METTL8: variants seen among roughly 807,000 people sequenced by gnomAD.
METTL8 encodes the protein methyltransferase 8, tRNA N3-cytidine, also known as tRNA N(3)-cytidine methyltransferase METTL8, mitochondrial.
A neutral mutation model predicts 48.7 loss-of-function variants in METTL8; 32 were observed. The ratio of observed to expected loss-of-function variants is 0.66; its 90% CI spans 0.50 to 0.88. The LOEUF is 0.88. METTL8 is among the 40% of genes least tolerant of loss of function. The pLI is 0.00. For missense variants in METTL8, 464 were observed against 474.4 expected, an observed-to-expected ratio of 0.98 and a Z score of 0.20; for synonymous variants, 136 against 157.1, an observed-to-expected ratio of 0.87 and a Z score of 1.01.
At chr2:171,392,883 G>C (rs1688703545) in intron 1 of METTL8, among the ~76,000 whole-genome samples, 1 of 151,688 alleles carries the variant, frequency 6.6e-6, no homozygotes, top group African/African-American at 2.4e-5. Context: ...GGTCACTTGA[G>C]GTCAGGAGTT....
At position 171,380,374 on chromosome 2, in the gene METTL8, A is replaced by G. The variant is rs568804591; in HGVS notation, c.143+11669T>C. ...TGCCCTCTCTCACCACTCCTATTCA[A>G]CATAGTATTGGAAGTGCTGACCAGG... On this transcript the variant is annotated intron_variant, in intron 2 of 9. Transcript: ENST00000375258. 7.2e-5 allele frequency among the ~76,000 whole-genome samples: 11 copies of G among 152,342 alleles called. No homozygotes were observed. The East Asian group carries it at 1.9e-3, about 27-fold the overall frequency.
At position 171,350,988 on chromosome 2, in the gene METTL8, T is replaced by C. The variant is rs1225939233; in HGVS notation, c.235+9434A>G. Among the ~76,000 whole-genome samples, 19 of 152,362 alleles carry C rather than the reference T, an allele frequency of 1.2e-4. No individual in the cohort carries two copies. In the East Asian group the frequency reaches 3.1e-3, roughly 25 times the overall value. On this transcript the variant is annotated intron_variant, in intron 3 of 9. Transcript: ENST00000375258. ...TTTAATTAGATCACATTTGTCAACTTTGGCTTTTGTTGTCATTGCTTTTGG... is the reference window on the plus strand; with the variant it reads ...TTTAATTAGATCACATTTGTCAACTCTGGCTTTTGTTGTCATTGCTTTTGG...
rs1320819831 is a variant in METTL8 at position 171,339,420 on chromosome 2, T to C, written c.370A>G (p.Lys124Glu). 6.2e-7 allele frequency: 1 copy of C among 1,613,692 alleles called. No individual in the cohort carries two copies. The highest frequency in any genetic ancestry group is 1.1e-5 in the South Asian group (1 of 91,030). The change falls in exon 4 of 10, where the codon AAG (lysine) becomes GAG (glutamate). Residue 124 changes from lysine to glutamate, a missense_variant. Transcript: ENST00000375258. ...TGATCCCATGATGATTCTCTCGCCT[T>C]CTCTTCAGGTTTTTGATCAACTGGA... is the stretch of plus-strand genomic sequence containing the variant. ...ILPVDQKPEE[K>E]ARESSWDHVK...
chr2:171,358,185 T>C lies in METTL8; in HGVS notation c.235+2237A>G, dbSNP rs542896332. Among the ~76,000 whole-genome samples, 5 of 151,906 alleles carry C rather than the reference T, an allele frequency of 3.3e-5. No individual in the cohort carries two copies. The South Asian group carries it at 1.0e-3, about 32-fold the overall frequency. The stretch of plus-strand genomic sequence containing the variant: ...GGCCAACATGACAAAACGCTATCTC[T>C]ACTAAAAATACAAACATTAGCTGGG... On this transcript the variant is annotated intron_variant, in intron 3 of 9. Transcript: ENST00000375258.
chr2:171,434,506 G>A (rs1042276730), upstream of METTL8: 5 of 1,523,178 alleles, frequency 3.3e-6, no homozygotes, highest in Admixed American at 5.9e-5. Flanking sequence ...AGGCAGCGGC[G>A]GCTGCCCAGC....
rs1002319902 is a variant in METTL8 at position 171,433,904 on chromosome 2, T to TG, written c.-35dup. The TG allele has an allele frequency of 5.7e-6, 1 of 174,164 alleles. No individual in the cohort carries two copies. Among genetic ancestry groups the TG allele is most frequent in the Admixed American group, 6.1e-5 (1 of 16,314 alleles). 10.8% of individuals were successfully genotyped at this position (174,164 alleles called of 1,614,324 possible). ...GTACCTTTAGCACGGGACGCTGCTT[T>TG]GGGGGGATCGCCCTCGACACAGCGC... On this transcript the variant is annotated 5_prime_UTR_variant, in exon 1 of 10. Transcript: ENST00000375258.
At chr2:171,373,713 C>A (rs1389420817) in intron 2 of METTL8, among the ~76,000 whole-genome samples, 3 of 152,152 alleles carry the variant, frequency 2.0e-5, no homozygotes, top group Non-Finnish European at 2.9e-5. Context: ...GCCAGTTTTC[C>A]CAGCACCATT....
At position 171,391,789 on chromosome 2, in the gene METTL8, G is replaced by A. The variant is rs188144550; in HGVS notation, c.143+254C>T. 7.0e-4 allele frequency among the ~76,000 whole-genome samples: 107 copies of A among 152,238 alleles called. 1 individual carries two copies. In the Middle Eastern group the frequency reaches 0.014, roughly 19 times the overall value. ...TGACAGCAGGCAAATCAGGATCAGA[G>A]GTAAGTAGGAAGGGCCTGCAAGAAC... On this transcript the variant is annotated intron_variant, in intron 2 of 9. Coordinates refer to ENST00000375258, the MANE Select transcript of METTL8 (RefSeq NM_001321154.2).
intron 1 of METTL8, among the ~76,000 whole-genome samples, chr2:171,408,017 T>C (rs987578173): frequency 6.6e-6 from 1 of 152,196 alleles, no homozygotes; most frequent in Non-Finnish European, 1.5e-5. Flanking sequence ...AGAGTTGCAA[T>C]TTATTTTCAG....
At chr2:171,429,901 G>A (rs1364865575) in intron 1 of METTL8, among the ~76,000 whole-genome samples, 1 of 151,988 alleles carries the variant, frequency 6.6e-6, no homozygotes, top group African/African-American at 2.4e-5. Flanking sequence ...TTAGCTGGGT[G>A]TGGTGGCATG....
At chr2:171,324,833 A>T (rs376461591) in intron 9 of METTL8, among the ~76,000 whole-genome samples, 3 of 152,318 alleles carry the variant, frequency 2.0e-5, no homozygotes, top group African/African-American at 7.2e-5. Context: ...AGGCTGAAGC[A>T]GGCAAATCAC....
At position 171,321,747 on chromosome 2, in the gene METTL8, T is replaced by C. The variant is rs894061647; in HGVS notation, c.*2425A>G. Reference sequence around the variant, plus strand: ...TTTACAGGTTTGGGATATGCACATTTTGTTTTGCCAGCTGTACTCTATTTA... The same window carrying C: ...TTTACAGGTTTGGGATATGCACATTCTGTTTTGCCAGCTGTACTCTATTTA... On this transcript the variant is annotated 3_prime_UTR_variant, in exon 10 of 10. Transcript: ENST00000375258. 1.1e-4 allele frequency: 17 copies of C among 152,210 alleles called. No individual in the cohort carries two copies. The highest frequency in any genetic ancestry group is 3.9e-4 in the African/African-American group (16 of 41,450). 9.4% of individuals were successfully genotyped at this position (152,210 alleles called of 1,614,324 possible).
intron 3 of METTL8, among the ~76,000 whole-genome samples, chr2:171,343,835 T>C (rs1274834211): frequency 6.6e-6 from 1 of 152,210 alleles, no homozygotes; most frequent in Admixed American, 6.5e-5. Flanking sequence ...TTCTACAGAC[T>C]ACAAAATCTT....
intron 1 of METTL8, among the ~76,000 whole-genome samples, chr2:171,401,520 T>C (rs142661053): frequency 1.3e-5 from 2 of 152,290 alleles, no homozygotes; most frequent in East Asian, 1.9e-4. Context: ...ATTTCATGCT[T>C]AGCGTTTGTT....
intron 1 of METTL8, among the ~76,000 whole-genome samples, chr2:171,424,439 G>A (rs2105665758): frequency 6.6e-6 from 1 of 152,366 alleles, no homozygotes; most frequent in East Asian, 1.9e-4. Context: ...AAAGCAGCCA[G>A]GACAGGGGCT....
At chr2:171,404,008 T>C (rs1689898283) in intron 1 of METTL8, among the ~76,000 whole-genome samples, 1 of 136,912 alleles carries the variant, frequency 7.3e-6, no homozygotes, top group African/African-American at 2.8e-5. Context: ...AGTGGATGCC[T>C]GAAACTGTGA....
chr2:171,434,738 C>G, upstream of METTL8: 2 of 1,395,096 alleles, frequency 1.4e-6, no homozygotes, highest in Non-Finnish European at 1.8e-6. Context: ...GACGGAGGGC[C>G]GCGGGCGCGC....
chr2:171,341,006 T>A (rs1315810882), intron 3 of METTL8, among the ~76,000 whole-genome samples: 1 of 152,172 alleles, frequency 6.6e-6, no homozygotes, highest in Non-Finnish European at 1.5e-5. Flanking sequence ...AATTCTTCGC[T>A]TTCTGCCTCT....
At chr2:171,339,155 C>T in intron 4 of METTL8, 29 bp downstream of exon 4, 2 of 1,413,834 alleles carry the variant, frequency 1.4e-6, no homozygotes, top group South Asian at 2.0e-5. Flanking sequence ...TATTTGTCAC[C>T]TCCCATTTTT....
Sources: allele counts gnomAD v4.1 joint callset (sites outside exome capture counted in the v4.1 genomes callset), GRCh38; gene constraint gnomAD v4.1.1; transcripts MANE v1.5; gene names NCBI Gene and HGNC (gene_info 2026-07-23, HGNC 2026-07-21).